TPD52L1: variants seen among roughly 807,000 people sequenced by gnomAD.
TPD52L1 encodes tumor protein D53.
A neutral mutation model predicts 28.7 loss-of-function variants in TPD52L1; 18 were observed. That is an observed-to-expected ratio of 0.63 (90% CI 0.43 to 0.93). The LOEUF (loss-of-function observed/expected upper bound fraction) is 0.93. Among genes scored for constraint, TPD52L1 ranks in the 40% least tolerant of loss-of-function variants. The pLI is 0.00. For synonymous variants in TPD52L1, 75 were observed against 88.8 expected (o/e 0.84, Z 0.88); for missense variants, 203 against 254.8 (o/e 0.80, Z 1.39).
intron 1 of TPD52L1, among the ~76,000 whole-genome samples, chr6:125,204,598 GC>G (rs1248443714): frequency 6.6e-6 from 1 of 152,024 alleles, no homozygotes; most frequent in East Asian, 1.9e-4. Flanking sequence ...TCCTGCCTCA[GC>G]CTCCCTAGTA....
chr6:125,197,213 G>A (rs929141877), intron 1 of TPD52L1, among the ~76,000 whole-genome samples: 4 of 152,176 alleles, frequency 2.6e-5, no homozygotes, highest in Non-Finnish European at 5.9e-5. Flanking sequence ...ACAGTCTCTA[G>A]AGATGTCCCT....
chr6:125,202,926 T>G (rs1245780395), intron 1 of TPD52L1, among the ~76,000 whole-genome samples: 1 of 151,860 alleles, frequency 6.6e-6, no homozygotes, highest in East Asian at 1.9e-4. Flanking sequence ...CCACCACACC[T>G]GGCTAATTTT....
intron 1 of TPD52L1, among the ~76,000 whole-genome samples, chr6:125,170,881 G>C (rs1339407864): frequency 6.6e-6 from 1 of 150,632 alleles, no homozygotes; most frequent in Non-Finnish European, 1.5e-5. Context: ...TCCTCTTCTA[G>C]ACCATGTTCT....
At chr6:125,222,818 C>T (rs549389374) in intron 2 of TPD52L1, among the ~76,000 whole-genome samples, 1 of 152,222 alleles carries the variant, frequency 6.6e-6, no homozygotes, top group South Asian at 2.1e-4. Flanking sequence ...GATTAACTTC[C>T]CTCTTTATTC....
At chr6:125,183,370 A>G (rs1026354052) in intron 1 of TPD52L1, among the ~76,000 whole-genome samples, 2 of 152,128 alleles carry the variant, frequency 1.3e-5, no homozygotes, top group Non-Finnish European at 2.9e-5. Flanking sequence ...ACCCAGCTAC[A>G]TGGGAGGCTG....
intron 3 of TPD52L1, among the ~76,000 whole-genome samples, chr6:125,239,195 T>C (rs56236085): frequency 1.1e-3 from 167 of 152,348 alleles, no homozygotes; most frequent in Non-Finnish European, 2.1e-3. Flanking sequence ...TATTTCATTG[T>C]AGTTTTAACT....
At position 125,197,594 on chromosome 6, in the gene TPD52L1, G is replaced by A. The variant is rs1793524084; in HGVS notation, c.20-22484G>A. ...AAGTGCAGAGTTTAGAACTCTAAGA[G>A]GAAGAACAGTCAGAAGGATTTTTTT... On this transcript the variant is annotated intron_variant, in intron 1 of 6. Transcript: ENST00000534000. 2.0e-5 allele frequency among the ~76,000 whole-genome samples: 3 copies of A among 152,046 alleles called. No individual in the cohort carries two copies. The South Asian group carries it at 6.2e-4, about 32-fold the overall frequency.
intron 6 of TPD52L1, chr6:125,260,990 GAAAGAAAGAAAGAAAGAAAGAAAGAAAGA>G (rs1562410918): frequency 0.013 from 549 of 43,790 alleles, 42 homozygotes; most frequent in African/African-American, 0.058. Flanking sequence ...AGAAAAGAAA[GAAAGAAAGAAAGAAAGAAAGAAAGAAAGA>G]AAAGAAAAGA....
chr6:125,176,694 G>T (rs183202955), intron 1 of TPD52L1, among the ~76,000 whole-genome samples: 1 of 151,968 alleles, frequency 6.6e-6, no homozygotes, highest in Admixed American at 6.6e-5. Context: ...TTAAAATTCC[G>T]ATAATCAACT....
At chr6:125,172,182 TTTCTTTCTTTCTTTCTTTCTTTC>T (rs1791440617) in intron 1 of TPD52L1, among the ~76,000 whole-genome samples, 4 of 130,240 alleles carry the variant, frequency 3.1e-5, no homozygotes, top group Non-Finnish European at 6.2e-5. Flanking sequence ...TCTTTCTTTC[TTTCTTTCTTTCTTTCTTTCTTTC>T]TTCTTTCTTT....
intron 1 of TPD52L1, among the ~76,000 whole-genome samples, chr6:125,162,390 T>G (rs1582830864): frequency 6.6e-6 from 1 of 152,314 alleles, no homozygotes; most frequent in Admixed American, 6.5e-5. Context: ...ATCTGAGAAT[T>G]TCTTCAAAAA....
At chr6:125,173,313 C>T (rs1791615584) in intron 1 of TPD52L1, among the ~76,000 whole-genome samples, 1 of 152,234 alleles carries the variant, frequency 6.6e-6, no homozygotes, top group Non-Finnish European at 1.5e-5. Flanking sequence ...GAGTCAGGCA[C>T]ACGGTCCAAG....
intron 3 of TPD52L1, among the ~76,000 whole-genome samples, chr6:125,230,677 A>G (rs1795896335): frequency 1.3e-5 from 2 of 152,178 alleles, no homozygotes; most frequent in South Asian, 4.1e-4. Flanking sequence ...GTCTAAAACG[A>G]GCATGACATC....
chr6:125,154,510 C>A, intron 1 of TPD52L1: 5 of 984,112 alleles, frequency 5.1e-6, no homozygotes, highest in Non-Finnish European at 3.6e-6. Flanking sequence ...TTACCGGCCC[C>A]CTGACCTCCA....
chr6:125,214,757 A>T (rs1449273332), intron 1 of TPD52L1, among the ~76,000 whole-genome samples: 1 of 152,188 alleles, frequency 6.6e-6, no homozygotes, highest in Non-Finnish European at 1.5e-5. Context: ...GAATACTTTT[A>T]AAAACTATTA....
chr6:125,189,200 T>C (rs1444614830), intron 1 of TPD52L1, among the ~76,000 whole-genome samples: 1 of 152,222 alleles, frequency 6.6e-6, no homozygotes, highest in Non-Finnish European at 1.5e-5. Flanking sequence ...AATTTCCATA[T>C]GAAACTAAGC....
intron 1 of TPD52L1, among the ~76,000 whole-genome samples, chr6:125,156,463 C>CAAAAAAAAAAAAAAAAAAAAAAAAAAA (rs758623258): frequency 2.7e-5 from 1 of 37,220 alleles, no homozygotes; most frequent in Non-Finnish European, 5.5e-5. Context: ...GACCTTGTCT[C>CAAAAAAAAAAAAAAAAAAAAAAAAAAA]AAAAAAAAAA....
intron 5 of TPD52L1, among the ~76,000 whole-genome samples, chr6:125,256,830 T>C (rs934152152): frequency 7.2e-5 from 11 of 152,270 alleles, no homozygotes; most frequent in Admixed American, 7.2e-4. Flanking sequence ...CATGGAATTA[T>C]TACAGTTGTG....
intron 5 of TPD52L1, among the ~76,000 whole-genome samples, chr6:125,254,674 C>T (rs916461850): frequency 1.3e-5 from 2 of 152,076 alleles, no homozygotes; most frequent in African/African-American, 2.4e-5. Context: ...AGTTTGAGAC[C>T]GCCGAAGCCA....
Sources: gnomAD v4.1 joint callset for allele counts (sites outside exome capture counted in the v4.1 genomes callset) on GRCh38, gnomAD v4.1.1 for gene constraint, MANE v1.5 for transcripts, NCBI Gene and HGNC (gene_info 2026-07-23, HGNC 2026-07-21) for gene names.